The following APOBEC2 variants were observed in gnomAD, a reference collection of about 807,000 sequenced individuals.
The protein encoded by APOBEC2 is C->U-editing enzyme APOBEC-2.
In APOBEC2, 14 loss-of-function variants were observed where a neutral mutation model predicts 19.4. The ratio of observed to expected loss-of-function variants is 0.72; its 90% CI spans 0.48 to 1.13. The LOEUF is 1.13. APOBEC2 is among the 50% of genes most tolerant of loss of function. The probability of loss-of-function intolerance (pLI) is 0.00; values close to 1 mark genes in which losing one functional copy is unlikely to be tolerated. For synonymous variants in APOBEC2, 127 were observed against 112.1 expected (o/e 1.13, Z -0.84); for missense variants, 304 against 277.0 (o/e 1.10, Z -0.69).
chr6:41,057,214 G>A (rs537622079), intron 1 of APOBEC2, among the ~76,000 whole-genome samples: 45 of 152,288 alleles, frequency 3.0e-4, no homozygotes, highest in Admixed American at 2.2e-3. Context: ...GTGTCCAGAG[G>A]AGAAGGGTGA....
rs1328938020 is a variant in APOBEC2, at chr6:41,064,871, T to C, written c.*792T>C. 6.6e-6 allele frequency: 1 copy of C among 152,090 alleles called. No homozygotes were observed. Among genetic ancestry groups the C allele is most frequent in the African/African-American group, 2.4e-5 (1 of 41,408 alleles). 9.4% of individuals were successfully genotyped at this position (152,090 alleles called of 1,614,324 possible). A position where few individuals can be genotyped will look rare whatever the true frequency, so the allele number is the denominator to read the frequency against. On this transcript the variant is annotated 3_prime_UTR_variant, in exon 3 of 3. Coordinates refer to ENST00000244669, the MANE Select transcript of APOBEC2 (RefSeq NM_006789.4). ...CAATCATTTAAAAGTATTCAATACA[T>C]GGTGTTTGATGGTAATGGCAGGATG...
Position 41,061,346 on chromosome 6 carries a change from C to A in APOBEC2, c.150C>A (p.Asn50Lys), listed in dbSNP as rs139783430. ...CCTACAGAGAACGGCTGCCTGCCAACTTCTTTAAATTCCAGTTCCGGAATG... is the reference window on the plus strand; with the variant it reads ...CCTACAGAGAACGGCTGCCTGCCAAATTCTTTAAATTCCAGTTCCGGAATG... ...EIVTGERLPANFFKFQFRNVE... is the reference protein window; with the variant it reads ...EIVTGERLPAKFFKFQFRNVE... Residue 50 changes from asparagine to lysine, a missense_variant, in exon 2 of 3, where the codon AAC (asparagine) becomes AAA (lysine). Asn to Lys is a moderately conservative substitution (Grantham distance 94, BLOSUM62 0). Transcript: ENST00000244669. 2.0e-6 allele frequency: 3 copies of A among 1,529,408 alleles called. No individual in the cohort carries two copies. The highest frequency in any genetic ancestry group is 2.3e-5 in the East Asian group (1 of 44,124). 94.7% of individuals were successfully genotyped at this position (1,529,408 alleles called of 1,614,324 possible).
intron 1 of APOBEC2, among the ~76,000 whole-genome samples, chr6:41,055,564 C>T (rs1581988490): frequency 6.6e-6 from 1 of 152,178 alleles, no homozygotes; most frequent in Non-Finnish European, 1.5e-5. Flanking sequence ...CTTTTCTAGC[C>T]TGGTCTCCTA....
In APOBEC2 at chr6:41,061,328, A is replaced by C. The variant is rs756129724; in HGVS notation, c.132A>C (p.Gly44=). Residue 44 remains glycine (G), a splice_region_variant and synonymous_variant, in exon 2 of 3, where the codon GGA becomes GGC. Coordinates refer to ENST00000244669, the MANE Select transcript of APOBEC2 (RefSeq NM_006789.4). ...GTCCTTTTGTCTCCTTGACCTACAGAGAACGGCTGCCTGCCAACTTCTTTA... is the reference window on the plus strand; with the variant it reads ...GTCCTTTTGTCTCCTTGACCTACAGCGAACGGCTGCCTGCCAACTTCTTTA... ...IELPPFEIVT[G]ERLPANFFKF... The C allele has an allele frequency of 6.6e-7, 1 of 1,524,928 alleles. No homozygotes were observed. The highest frequency in any genetic ancestry group is 8.8e-7 in the Non-Finnish European group (1 of 1,137,472). The allele number at this position is 1,524,928 out of a possible 1,614,324, so 94.5% of individuals were successfully genotyped here. A position where few individuals can be genotyped will look rare whatever the true frequency, so the allele number is the denominator to read the frequency against.
In APOBEC2 at chr6:41,061,323, T is replaced by A. The variant is rs750188905; in HGVS notation, c.132-5T>A. 3.3e-6 allele frequency: 5 copies of A among 1,522,832 alleles called. No homozygotes were observed. In the South Asian group the frequency reaches 5.3e-5, roughly 16 times the overall value. 94.3% of individuals were successfully genotyped at this position (1,522,832 alleles called of 1,614,324 possible). A position where few individuals can be genotyped will look rare whatever the true frequency, so the allele number is the denominator to read the frequency against. On this transcript the variant is annotated splice_region_variant and splice_polypyrimidine_tract_variant and intron_variant, in intron 1 of 2. Coordinates refer to ENST00000244669, the MANE Select transcript of APOBEC2 (RefSeq NM_006789.4). ...TTCCTGTCCTTTTGTCTCCTTGACC[T>A]ACAGAGAACGGCTGCCTGCCAACTT...
Position 41,062,210 on chromosome 6 carries a change from G to C in APOBEC2, c.*21+318G>C, listed in dbSNP as rs530374012. On this transcript the variant is annotated intron_variant, in intron 2 of 2. Coordinates refer to ENST00000244669, the MANE Select transcript of APOBEC2 (RefSeq NM_006789.4). ...TTAGATGGTGCAAGCACCTGCTACT[G>C]AACCACAGCAGAGAAGATACTGAAA... Among the ~76,000 whole-genome samples, 13 of 152,316 alleles carry C rather than the reference G, an allele frequency of 8.5e-5. No individual in the cohort carries two copies. The East Asian group carries it at 2.5e-3, about 29-fold the overall frequency.
intron 1 of APOBEC2, among the ~76,000 whole-genome samples, chr6:41,058,149 CCCCACACACACACACA>C (rs1186927066): frequency 1.3e-4 from 14 of 104,314 alleles, no homozygotes; most frequent in Non-Finnish European, 2.1e-4. Context: ...CACCACCCCA[CCCCACACACACACACA>C]CACACACACA....
At position 41,064,184 on chromosome 6, in the gene APOBEC2, G is replaced by A. The variant is rs1481469414; in HGVS notation, c.*105G>A. The A allele has an allele frequency of 6.6e-6, 1 of 152,464 alleles. No homozygotes were observed. Among genetic ancestry groups the A allele is most frequent in the Non-Finnish European group, 1.5e-5 (1 of 68,024 alleles). The allele number at this position is 152,464 out of a possible 1,614,324, so 9.4% of individuals were successfully genotyped here. A position where few individuals can be genotyped will look rare whatever the true frequency, so the allele number is the denominator to read the frequency against. ...GTCTTCCTAATACCATTTGGAGCTGGACAACATTTGACACCAACCAATCAT... is the reference window on the plus strand; with the variant it reads ...GTCTTCCTAATACCATTTGGAGCTGAACAACATTTGACACCAACCAATCAT... On this transcript the variant is annotated 3_prime_UTR_variant, in exon 3 of 3. Coordinates refer to ENST00000244669, the MANE Select transcript of APOBEC2 (RefSeq NM_006789.4).
chr6:41,056,270 T>C (rs530581423), intron 1 of APOBEC2, among the ~76,000 whole-genome samples: 1 of 152,228 alleles, frequency 6.6e-6, no homozygotes, highest in South Asian at 2.1e-4. Context: ...TACAGGTGCA[T>C]GCCACCACGC....
Position 41,061,444 on chromosome 6 carries a change from T to C in APOBEC2, c.248T>C (p.Val83Ala). 1 of 1,613,436 alleles carries C rather than the reference T, an allele frequency of 6.2e-7. No homozygotes were observed. Among genetic ancestry groups the C allele is most frequent in the South Asian group, 1.1e-5 (1 of 90,926 alleles). Residue 83 changes from valine (V) to alanine (A), a missense_variant, in exon 2 of 3, where the codon GTG becomes GCG. Transcript: ENST00000244669. The part of the protein sequence containing the change: ...VVEAQGKGGQ[V>A]QASRGYLEDE... ...GAAGCACAGGGCAAGGGGGGCCAAGTGCAGGCATCTCGGGGATACCTAGAG... is the reference window on the plus strand; with the variant it reads ...GAAGCACAGGGCAAGGGGGGCCAAGCGCAGGCATCTCGGGGATACCTAGAG...
Position 41,064,404 on chromosome 6 carries a change from A to C in APOBEC2, c.*325A>C, listed in dbSNP as rs968791054. The C allele has an allele frequency of 1.3e-5, 2 of 152,338 alleles. No individual in the cohort carries two copies. Among genetic ancestry groups the C allele is most frequent in the South Asian group, 2.1e-4 (1 of 4,830 alleles). 9.4% of individuals were successfully genotyped at this position (152,338 alleles called of 1,614,324 possible). ...CTCACCCAAGGGGGCTGCTTAACAC[A>C]AACAGCCTCAGACCCGAGGTTTAGA... On this transcript the variant is annotated 3_prime_UTR_variant, in exon 3 of 3. Coordinates refer to ENST00000244669, the MANE Select transcript of APOBEC2 (RefSeq NM_006789.4).
At chr6:41,054,140 G>A (rs1000873038) in intron 1 of APOBEC2, among the ~76,000 whole-genome samples, 1 of 152,232 alleles carries the variant, frequency 6.6e-6, no homozygotes, top group African/African-American at 2.4e-5. Context: ...TTGCCTGGAG[G>A]AACTGGGACC....
Position 41,061,424 on chromosome 6 carries a change from A to G in APOBEC2, c.228A>G (p.Ala76=). 1 of 1,611,592 alleles carries G rather than the reference A, an allele frequency of 6.2e-7. No individual in the cohort carries two copies. Among genetic ancestry groups the G allele is most frequent in the Non-Finnish European group, 8.5e-7 (1 of 1,178,814 alleles). ...NKTFLCYVVE[A]QGKGGQVQAS... is the part of the protein sequence containing the mutation. ...CCTTCCTCTGCTATGTGGTTGAAGC[A>G]CAGGGCAAGGGGGGCCAAGTGCAGG... The change falls in exon 2 of 3, where the codon GCA becomes GCG. Residue 76 remains alanine (A), a synonymous_variant. Coordinates refer to ENST00000244669, the MANE Select transcript of APOBEC2 (RefSeq NM_006789.4).
At chr6:41,055,311 C>T (rs1428893076) in intron 1 of APOBEC2, among the ~76,000 whole-genome samples, 3 of 152,288 alleles carry the variant, frequency 2.0e-5, no homozygotes, top group East Asian at 1.9e-4. Flanking sequence ...GAAGGGGCAA[C>T]GTTCTGAGCA....
rs543353890 is a variant in APOBEC2, at chr6:41,061,868, G to A, written c.672G>A (p.Lys224=). Reference sequence around the variant, plus strand: ...AGGAGAAGTTGGCAGACATCCTGAAGTAGGGCAACTGGGCTTTGCCTCACG... The same window carrying A: ...AGGAGAAGTTGGCAGACATCCTGAAATAGGGCAACTGGGCTTTGCCTCACG... ...YYEEKLADIL[K] The change falls in exon 2 of 3, where the codon AAG becomes AAA. Residue 224 remains lysine (K), a synonymous_variant. Transcript: ENST00000244669. 3 of 1,612,294 alleles carry A rather than the reference G, an allele frequency of 1.9e-6. No individual in the cohort carries two copies. Among genetic ancestry groups the A allele is most frequent in the African/African-American group, 2.7e-5 (2 of 75,016 alleles).
Position 41,064,222 on chromosome 6 carries a change from C to G in APOBEC2, c.*143C>G, listed in dbSNP as rs1237236276. On this transcript the variant is annotated 3_prime_UTR_variant, in exon 3 of 3. Transcript: ENST00000244669. ...ACCAACCAATCATACTGGACAAGGC[C>G]CTTAGAGGACTTGAAATATACTTCT... 6.6e-6 allele frequency: 1 copy of G among 152,358 alleles called. No homozygotes were observed. The highest frequency in any genetic ancestry group is 1.5e-5 in the Non-Finnish European group (1 of 68,008). 9.4% of individuals were successfully genotyped at this position (152,358 alleles called of 1,614,324 possible). A position where few individuals can be genotyped will look rare whatever the true frequency, so the allele number is the denominator to read the frequency against.
rs796927834 is a variant in APOBEC2, at chr6:41,061,924, TTTA to T, written c.*21+37_*21+39del. On this transcript the variant is annotated intron_variant, in intron 2 of 2. Transcript: ENST00000244669. Reference sequence around the variant, plus strand: ...TTTCCTGGTGCCATGGCACCAACACTTTATTATGTTAACTCCAGTAGAAGGTGT... The same window carrying T: ...TTTCCTGGTGCCATGGCACCAACACTTTATGTTAACTCCAGTAGAAGGTGT... 4.5e-6 allele frequency: 7 copies of T among 1,543,728 alleles called. No individual in the cohort carries two copies. The African/African-American group carries it at 8.2e-5, about 18-fold the overall frequency.
chr6:41,063,407 T>C (rs188773204), intron 2 of APOBEC2, among the ~76,000 whole-genome samples: 1 of 152,326 alleles, frequency 6.6e-6, no homozygotes, highest in Admixed American at 6.5e-5. Context: ...GTACTATCAC[T>C]GTAATTATAA....
intron 1 of APOBEC2, among the ~76,000 whole-genome samples, chr6:41,059,552 T>A (rs189895438): frequency 1.3e-5 from 2 of 152,176 alleles, no homozygotes; most frequent in Non-Finnish European, 2.9e-5. Context: ...AAATGTTAAG[T>A]AAACAATAAA....
Sources: gnomAD v4.1 joint callset for allele counts (sites outside exome capture counted in the v4.1 genomes callset) on GRCh38, gnomAD v4.1.1 for gene constraint, MANE v1.5 for transcripts, NCBI Gene and HGNC (gene_info 2026-07-23, HGNC 2026-07-21) for gene names.